RBFOX1: variants seen among roughly 807,000 people sequenced by gnomAD.
RBFOX1 encodes RNA binding protein fox-1 homolog 1.
Under a neutral mutation model 57.7 loss-of-function variants are expected in RBFOX1, and 8 were observed. The observed-to-expected ratio is 0.14, with a 90% CI of 0.08 to 0.25. RBFOX1 has a LOEUF of 0.25. RBFOX1 is among the 10% of genes least tolerant of loss of function. The probability of loss-of-function intolerance (pLI) is 1.00; values close to 1 mark genes in which losing one functional copy is unlikely to be tolerated. For synonymous variants in RBFOX1, 326 were observed against 222.4 expected (o/e 1.47, Z -4.15); for missense variants, 611 against 548.5 (o/e 1.11, Z -1.14).
chr16:6,755,173 A>G (rs374750185), intron 3 of RBFOX1, among the ~76,000 whole-genome samples: 1 of 152,212 alleles, frequency 6.6e-6, no homozygotes, highest in Non-Finnish European at 1.5e-5. Context: ...ATACGTGTGC[A>G]TGTGTCTTTA....
intron 2 of RBFOX1, among the ~76,000 whole-genome samples, chr16:6,533,701 T>A (rs1599092998): frequency 6.6e-6 from 1 of 152,144 alleles, no homozygotes; most frequent in African/African-American, 2.4e-5. Flanking sequence ...CTCAGATCCA[T>A]GTTTTCCATC....
At chr16:6,265,899 A>G (rs1375714873) in intron 1 of RBFOX1, among the ~76,000 whole-genome samples, 1 of 152,144 alleles carries the variant, frequency 6.6e-6, no homozygotes, top group African/African-American at 2.4e-5. Context: ...TCTTCCTAGA[A>G]GAGTCATACC....
chr16:7,330,684 A>C (rs1010767289), intron 4 of RBFOX1, among the ~76,000 whole-genome samples: 1 of 152,138 alleles, frequency 6.6e-6, no homozygotes, highest in Non-Finnish European at 1.5e-5. Flanking sequence ...GGAAACTAAG[A>C]GTCTAAAGCT....
At chr16:7,483,147 G>A (rs903293586) in intron 4 of RBFOX1, among the ~76,000 whole-genome samples, 6 of 152,170 alleles carry the variant, frequency 3.9e-5, no homozygotes, top group Non-Finnish European at 1.5e-5. Flanking sequence ...GGCTGTGCTG[G>A]AATTGGGATC....
At chr16:5,898,417 C>A (rs2058219330) in intron 4 of RBFOX1, among the ~76,000 whole-genome samples, 1 of 152,002 alleles carries the variant, frequency 6.6e-6, no homozygotes, top group African/African-American at 2.4e-5. Context: ...CTTGCTTAGA[C>A]ATAAAACGTA....
At chr16:7,633,754 C>G (rs1238175812) in intron 11 of RBFOX1, among the ~76,000 whole-genome samples, 1 of 152,178 alleles carries the variant, frequency 6.6e-6, no homozygotes, top group Non-Finnish European at 1.5e-5. Flanking sequence ...TCAGTTATTT[C>G]TGTTTGCAGG....
chr16:6,129,192 C>G (rs942499503), intron 1 of RBFOX1, among the ~76,000 whole-genome samples: 2 of 152,042 alleles, frequency 1.3e-5, no homozygotes, highest in Non-Finnish European at 2.9e-5. Flanking sequence ...CAGAAACAGA[C>G]CCTGATGTGT....
intron 2 of RBFOX1, among the ~76,000 whole-genome samples, chr16:5,542,200 C>G (rs1023782208): frequency 1.1e-4 from 16 of 151,466 alleles, no homozygotes; most frequent in African/African-American, 2.7e-4. Context: ...TATGCGCACT[C>G]AAGAATTGCT....
At chr16:5,937,857 A>G (rs1229012112) in intron 4 of RBFOX1, among the ~76,000 whole-genome samples, 1 of 151,448 alleles carries the variant, frequency 6.6e-6, no homozygotes, top group Non-Finnish European at 1.5e-5. Flanking sequence ...TTATATGTAC[A>G]TATATACATG....
intron 3 of RBFOX1, among the ~76,000 whole-genome samples, chr16:6,680,528 G>A (rs891822936): frequency 4.6e-5 from 7 of 152,234 alleles, no homozygotes; most frequent in African/African-American, 1.7e-4. Context: ...CTCCCAAAGT[G>A]CTGGGATTAC....
chr16:7,579,709 CAA>C (rs1478825320), intron 5 of RBFOX1, 66 bp from the exon 6 acceptor site: 12 of 1,585,282 alleles, frequency 7.6e-6, no homozygotes, highest in Non-Finnish European at 1.0e-5. Context: ...TCATGGCAAG[CAA>C]AAGAGCATCG....
At chr16:5,463,078 G>C (rs556582498) in intron 1 of RBFOX1, among the ~76,000 whole-genome samples, 28 of 152,274 alleles carry the variant, frequency 1.8e-4, no homozygotes, top group African/African-American at 6.3e-4. Context: ...ATAGATGATA[G>C]ATAGATATAT....
At chr16:7,065,462 C>T (rs2346254) in intron 4 of RBFOX1, among the ~76,000 whole-genome samples, 102,327 of 152,076 alleles carry the variant, frequency 0.67, 34,914 homozygotes, top group South Asian at 0.74. Context: ...TTTTTCTGAA[C>T]CTGCTTCTGC....
intron 3 of RBFOX1, among the ~76,000 whole-genome samples, chr16:6,980,250 C>G (rs1186016677): frequency 6.6e-6 from 1 of 152,152 alleles, no homozygotes; most frequent in Non-Finnish European, 1.5e-5. Flanking sequence ...ATTTCCTATA[C>G]AAATGTGCTG....
intron 4 of RBFOX1, chr16:7,510,279 T>A (rs879943743): frequency 1.0e-6 from 1 of 985,802 alleles, no homozygotes; most frequent in Non-Finnish European, 1.2e-6. Context: ...CTGCTAAGTT[T>A]ATGGAGGAGA....
At chr16:7,229,369 A>G (rs2093344413) in intron 4 of RBFOX1, among the ~76,000 whole-genome samples, 1 of 152,176 alleles carries the variant, frequency 6.6e-6, no homozygotes, top group Non-Finnish European at 1.5e-5. Context: ...CTTAAAGATA[A>G]TGAAGTTTTG....
At chr16:7,299,349 T>C (rs1041740383) in intron 4 of RBFOX1, among the ~76,000 whole-genome samples, 3 of 152,224 alleles carry the variant, frequency 2.0e-5, no homozygotes, top group African/African-American at 4.8e-5. Flanking sequence ...AGTTGTGAAC[T>C]GGGTATTGCC....
chr16:5,669,201 G>A (rs558331108), intron 3 of RBFOX1, among the ~76,000 whole-genome samples: 28 of 152,158 alleles, frequency 1.8e-4, no homozygotes, highest in African/African-American at 6.7e-4. Flanking sequence ...ATGCCTCGAG[G>A]CATCTGTCCT....
intron 1 of RBFOX1, among the ~76,000 whole-genome samples, chr16:6,309,734 A>G (rs2080006716): frequency 6.6e-6 from 1 of 152,030 alleles, no homozygotes; most frequent in African/African-American, 2.4e-5. Flanking sequence ...TTCCCTACAG[A>G]GGGAGGCTGG....
Sources: gnomAD v4.1 joint callset for allele counts (sites outside exome capture counted in the v4.1 genomes callset) on GRCh38, gnomAD v4.1.1 for gene constraint, MANE v1.5 for transcripts, NCBI Gene and HGNC (gene_info 2026-07-23, HGNC 2026-07-21) for gene names.